CNTRL: variants seen among roughly 807,000 people sequenced by gnomAD.
The protein encoded by CNTRL is 110 kDa centrosomal protein.
Under a neutral mutation model 303.7 loss-of-function variants are expected in CNTRL, and 233 were observed. That is an observed-to-expected ratio of 0.77 (90% CI 0.69 to 0.86). CNTRL has a LOEUF of 0.86. Ranked by LOEUF, CNTRL falls within the 40% of genes least tolerant of loss-of-function variation. The pLI is 0.00. For synonymous variants in CNTRL, 900 were observed against 922.2 expected (o/e 0.98, Z 0.44); for missense variants, 2,524 against 2,650.6 (o/e 0.95, Z 1.05).
chr9:121,128,798 T>C (rs1240795978), intron 14 of CNTRL, among the ~76,000 whole-genome samples: 1 of 152,204 alleles, frequency 6.6e-6, no homozygotes, highest in Admixed American at 6.5e-5. Context: ...GTCTTTAATC[T>C]ATCTTGAATT....
rs2049565023 is a variant in CNTRL at position 121,108,071 on chromosome 9, C to T, written c.1002+76C>T. On this transcript the variant is annotated intron_variant, in intron 8 of 43. Transcript: ENST00000373855. ...TTCTTTGCCCTTGGGTCTAAAAATA[C>T]AACTTCCTGACCATATAATGGGGAA... 16 of 955,724 alleles carry T rather than the reference C, an allele frequency of 1.7e-5. No homozygotes were observed. In the South Asian group the frequency reaches 3.0e-4, roughly 18 times the overall value. 59.2% of individuals were successfully genotyped at this position (955,724 alleles called of 1,614,324 possible).
chr9:121,132,506 A>C (rs1028295758), intron 14 of CNTRL, among the ~76,000 whole-genome samples: 2 of 151,734 alleles, frequency 1.3e-5, no homozygotes, highest in African/African-American at 4.8e-5. Flanking sequence ...TCTTCTCTAC[A>C]CTCTTTATTC....
chr9:121,122,647 A>G (rs2050293569), intron 12 of CNTRL, among the ~76,000 whole-genome samples: 1 of 152,204 alleles, frequency 6.6e-6, no homozygotes, highest in South Asian at 2.1e-4. Context: ...TTGTCTCCAT[A>G]TGAACAGTTG....
chr9:121,173,584 G>A (rs1004357669), intron 41 of CNTRL, 75 bp downstream of exon 41: 109 of 1,609,412 alleles, frequency 6.8e-5, no homozygotes, highest in Non-Finnish European at 8.8e-5. Context: ...ACACAGATGT[G>A]GGGGTGCTGG....
chr9:121,119,044 T>C (rs929256011), intron 12 of CNTRL, among the ~76,000 whole-genome samples: 1 of 151,306 alleles, frequency 6.6e-6, no homozygotes, highest in Non-Finnish European at 1.5e-5. Flanking sequence ...ATATAATGTA[T>C]GTATGTGTAT....
intron 27 of CNTRL, among the ~76,000 whole-genome samples, chr9:121,156,920 G>A (rs2052602004): frequency 6.6e-6 from 1 of 152,176 alleles, no homozygotes; most frequent in African/African-American, 2.4e-5. Flanking sequence ...TCTGTGTGGA[G>A]GAAATCTTGG....
In CNTRL at chr9:121,152,603, A is replaced by G. The variant is rs372575690; in HGVS notation, c.4082A>G (p.His1361Arg). The change falls in exon 26 of 44, where the codon CAT becomes CGT. Residue 1361 changes from histidine to arginine, a missense_variant. Coordinates refer to ENST00000373855, the MANE Select transcript of CNTRL (RefSeq NM_007018.6). ...QSEKEMEELH[H>R]NIDDLLQEKK... ...GAGAAAGAAATGGAAGAACTGCATC[A>G]TAATATTGATGATCTTTTGCAAGAG... The G allele has an allele frequency of 3.6e-5, 58 of 1,613,942 alleles. No individual in the cohort carries two copies. Among genetic ancestry groups the G allele is most frequent in the Middle Eastern group, 1.6e-4 (1 of 6,084 alleles).
At chr9:121,120,012 TCTCTA>T (rs1337177422) in intron 12 of CNTRL, among the ~76,000 whole-genome samples, 1 of 152,176 alleles carries the variant, frequency 6.6e-6, no homozygotes, top group East Asian at 1.9e-4. Flanking sequence ...CTTGTCTCTG[TCTCTA>T]CTCTAAGAAG....
intron 32 of CNTRL, 55 bp downstream of exon 32, chr9:121,160,357 A>G: frequency 7.9e-7 from 1 of 1,262,660 alleles, no homozygotes; most frequent in Non-Finnish European, 1.0e-6. Context: ...TGTCTGTATT[A>G]CAAGTCACAG....
At chr9:121,161,548 C>T in intron 32 of CNTRL, 1 of 342,738 alleles carries the variant, frequency 2.9e-6, no homozygotes, top group East Asian at 4.4e-5. Context: ...GGATCTTGCT[C>T]TGTCAACCAG....
At chr9:121,166,952 C>T (rs1221573906) in intron 36 of CNTRL, among the ~76,000 whole-genome samples, 3 of 150,840 alleles carry the variant, frequency 2.0e-5, no homozygotes, top group African/African-American at 2.4e-5. Context: ...ACCCGAGAGG[C>T]GGAGGTTGCC....
chr9:121,152,653 G>T lies in CNTRL; in HGVS notation c.4132G>T (p.Glu1378Ter). 6.2e-7 allele frequency: 1 copy of T among 1,613,910 alleles called. No homozygotes were observed. The highest frequency in any genetic ancestry group is 1.1e-5 in the South Asian group (1 of 91,076). ...QEKKSLECEV[E>*]ELHRTVQKRQ... ...GAAGAAAAGCTTAGAGTGTGAAGTA[G>T]AAGAATTACATAGAACTGTCCAGAA... is the stretch of plus-strand genomic sequence containing the variant. Residue 1378 changes from glutamate to a stop codon, truncating the protein, a stop_gained, in exon 26 of 44, where the codon GAA becomes TAA. Transcript: ENST00000373855. LOFTEE classifies it high-confidence loss of function.
chr9:121,093,596 A>G (rs557872822), intron 4 of CNTRL, among the ~76,000 whole-genome samples: 1 of 152,370 alleles, frequency 6.6e-6, no homozygotes, highest in South Asian at 2.1e-4. Flanking sequence ...CATTGGTGGT[A>G]GATAAGGAAG....
At chr9:121,141,622 T>C (rs373145200) in intron 18 of CNTRL, 34 bp downstream of exon 18, 5 of 1,580,524 alleles carry the variant, frequency 3.2e-6, no homozygotes, top group Non-Finnish European at 4.3e-6. Context: ...TGGAGGGAAG[T>C]GTTTGGCAAA....
At chr9:121,090,489 T>C (rs972776790) in intron 4 of CNTRL, 84 bp downstream of exon 4, 13 of 1,285,568 alleles carry the variant, frequency 1.0e-5, no homozygotes, top group Non-Finnish European at 1.4e-5. Context: ...TATCCTAATG[T>C]CACCTAATTT....
In CNTRL at chr9:121,088,448, C is replaced by T; in HGVS notation, c.122C>T (p.Ser41Leu). 1 of 1,612,172 alleles carries T rather than the reference C, an allele frequency of 6.2e-7. No individual in the cohort carries two copies. The highest frequency in any genetic ancestry group is 1.7e-4 in the Middle Eastern group (1 of 6,054). ...AGGTCACTTTCACCTTTGATTGGATCAGAGACTCTACCTTTTCATTCTGGA... is the reference window on the plus strand; with the variant it reads ...AGGTCACTTTCACCTTTGATTGGATTAGAGACTCTACCTTTTCATTCTGGA... ...RSRSLSPLIG[S>L]ETLPFHSGGQ... Residue 41 changes from serine to leucine, a missense_variant, in exon 3 of 44, where the codon TCA becomes TTA. By Grantham distance (145) the Ser-to-Leu change is moderately radical (BLOSUM62 -2). Coordinates refer to ENST00000373855, the MANE Select transcript of CNTRL (RefSeq NM_007018.6).
At chr9:121,141,714 G>A (rs2051526194) in intron 18 of CNTRL, 126 bp downstream of exon 18, 4 of 917,350 alleles carry the variant, frequency 4.4e-6, no homozygotes, top group Non-Finnish European at 6.6e-6. Context: ...CTTATAACAA[G>A]TCAAGCTGGG....
chr9:121,154,976 G>A, intron 27 of CNTRL, 63 bp downstream of exon 27: 2 of 1,373,460 alleles, frequency 1.5e-6, no homozygotes, highest in Non-Finnish European at 2.1e-6. Flanking sequence ...CTGTCCACCT[G>A]AAGGATTAGA....
intron 32 of CNTRL, chr9:121,161,188 A>G (rs2131745732): frequency 5.0e-6 from 2 of 403,584 alleles, no homozygotes; most frequent in East Asian, 3.6e-5. Flanking sequence ...TTAGAAGGAA[A>G]TACATCAAAA....
Sources: gnomAD v4.1 joint callset for allele counts (sites outside exome capture counted in the v4.1 genomes callset) on GRCh38, gnomAD v4.1.1 for gene constraint, MANE v1.5 for transcripts, NCBI Gene and HGNC (gene_info 2026-07-23, HGNC 2026-07-21) for gene names.